Variants in CELF2 observed in about 807,000 individuals in gnomAD.
The protein encoded by CELF2 is CUGBP Elav-like family member 2.
In CELF2, 8 loss-of-function variants were observed where a neutral mutation model predicts 62.6. The ratio of observed to expected loss-of-function variants is 0.13; its 90% CI spans 0.07 to 0.23. The LOEUF is 0.23. Among genes scored for constraint, CELF2 ranks in the 10% least tolerant of loss-of-function variants. The pLI is 1.00. For missense variants in CELF2, 333 were observed against 671.0 expected (o/e 0.50, Z 5.56); for synonymous variants, 258 against 250.0 (o/e 1.03, Z -0.30).
the CELF2 span, among the ~76,000 whole-genome samples, chr10:10,474,369 A>C: frequency 6.6e-6 from 1 of 152,062 alleles, no homozygotes; most frequent in African/African-American, 2.4e-5. Flanking sequence ...TAACAATGTG[A>C]ATGGTAGAAA....
intron 1 of CELF2, among the ~76,000 whole-genome samples, chr10:10,857,314 C>T (rs940003462): frequency 9.9e-5 from 15 of 152,090 alleles, no homozygotes; most frequent in Non-Finnish European, 2.1e-4. Context: ...TCATTTCCAA[C>T]CAGATGCAGT....
chr10:10,758,010 T>G, the CELF2 span, among the ~76,000 whole-genome samples: 1 of 152,332 alleles, frequency 6.6e-6, no homozygotes, highest in East Asian at 1.9e-4. Flanking sequence ...GTATCACAAA[T>G]AAAATGTTGT....
Position 11,039,100 on chromosome 10 carries a change from G to C in CELF2, c.74+20937G>C, listed in dbSNP as rs758070098. Among the ~76,000 whole-genome samples, 1 of 152,136 alleles carries C rather than the reference G, an allele frequency of 6.6e-6. No individual in the cohort carries two copies. The highest frequency in any genetic ancestry group is 1.5e-5 in the Non-Finnish European group (1 of 68,022). ...GCATCCACACCACTCTCATGGCATC[G>C]ACCATGTAACGGCGATAACAGCCGA... is the stretch of plus-strand genomic sequence containing the variant. On this transcript the variant is annotated intron_variant, in intron 1 of 12. Coordinates refer to ENST00000633077, the MANE Select transcript of CELF2 (RefSeq NM_001326342.2). The surrounding 1 kb of genome is among the most constrained non-coding windows in gnomAD (Gnocchi z 4.1).
intron 2 of CELF2, among the ~76,000 whole-genome samples, chr10:10,942,602 A>C (rs1168008419): frequency 6.6e-6 from 1 of 152,332 alleles, no homozygotes; most frequent in East Asian, 1.9e-4. Flanking sequence ...ATCTAATGAC[A>C]TGCCATCCCT....
At chr10:11,121,531 A>G (rs2057737010) in intron 1 of CELF2, among the ~76,000 whole-genome samples, 1 of 152,074 alleles carries the variant, frequency 6.6e-6, no homozygotes. Context: ...GGTTGGTACC[A>G]TGTTGTGCTG....
upstream of CELF2, among the ~76,000 whole-genome samples, chr10:10,796,593 G>C (rs985037831): frequency 4.6e-5 from 7 of 152,158 alleles, no homozygotes; most frequent in South Asian, 1.4e-3. Context: ...AATCTCCCTG[G>C]TGCCGTGGGC....
chr10:10,687,629 A>G, the CELF2 span, among the ~76,000 whole-genome samples: 1 of 152,230 alleles, frequency 6.6e-6, no homozygotes, highest in African/African-American at 2.4e-5. Context: ...AATGTTCAAT[A>G]GAACTTCATA....
At chr10:10,739,065 C>T in the CELF2 span, among the ~76,000 whole-genome samples, 2 of 151,938 alleles carry the variant, frequency 1.3e-5, no homozygotes, top group African/African-American at 4.8e-5. Context: ...ATCGAGGCTA[C>T]AGGTGTATAT....
At chr10:10,539,148 T>A in the CELF2 span, among the ~76,000 whole-genome samples, 15 of 152,184 alleles carry the variant, frequency 9.9e-5, no homozygotes, top group African/African-American at 3.4e-4. Flanking sequence ...AGAGTACAGA[T>A]CTTAAGAGTT....
chr10:11,274,234 G>C (rs986858331), intron 7 of CELF2, among the ~76,000 whole-genome samples: 1 of 152,170 alleles, frequency 6.6e-6, no homozygotes, highest in Non-Finnish European at 1.5e-5. Context: ...AGATCCATAA[G>C]TTCAGCCCAA....
intron 1 of CELF2, among the ~76,000 whole-genome samples, chr10:11,028,892 T>G (rs759489450): frequency 6.6e-6 from 1 of 152,032 alleles, no homozygotes; most frequent in Admixed American, 6.5e-5. Context: ...TTTTGAACTT[T>G]TAATAGAGAT....
the CELF2 span, among the ~76,000 whole-genome samples, chr10:10,467,184 C>G: frequency 6.6e-6 from 1 of 151,936 alleles, no homozygotes; most frequent in Non-Finnish European, 1.5e-5. Flanking sequence ...GATTTTTCTC[C>G]TAAGTGCTTC....
intron 3 of CELF2, among the ~76,000 whole-genome samples, chr10:11,234,765 TC>T (rs2070469293): frequency 6.6e-6 from 1 of 150,476 alleles, no homozygotes; most frequent in Non-Finnish European, 1.5e-5. Flanking sequence ...GATCCCCTCA[TC>T]CCCATCGCAA....
chr10:11,122,898 A>T (rs2058032661), intron 1 of CELF2, among the ~76,000 whole-genome samples: 3 of 152,142 alleles, frequency 2.0e-5, no homozygotes, highest in Admixed American at 2.0e-4. Context: ...TCTACCATAG[A>T]GTGGGGCCAG....
At position 11,165,546 on chromosome 10, in the gene CELF2, T is replaced by C. The variant is rs2066831810; in HGVS notation, c.135T>C (p.Asp45=). 11 of 1,613,998 alleles carry C rather than the reference T, an allele frequency of 6.8e-6. No homozygotes were observed. Among genetic ancestry groups the C allele is most frequent in the Middle Eastern group, 3.3e-4 (2 of 6,084 alleles). ...ALDHSDQPDP[D]AIKMFVGQIP... The stretch of plus-strand genomic sequence containing the variant: ...ATCACTCAGACCAACCAGACCCAGA[T>C]GCCATTAAGATGTTTGTCGGACAGA... Residue 45 remains aspartate, a synonymous_variant, in exon 2 of 13, where the codon GAT becomes GAC. Transcript: ENST00000633077. The surrounding 1 kb of genome is among the most constrained non-coding windows in gnomAD (Gnocchi z 7.4).
intron 5 of CELF2, among the ~76,000 whole-genome samples, chr10:11,263,838 T>G (rs2081417449): frequency 6.6e-6 from 1 of 152,226 alleles, no homozygotes; most frequent in African/African-American, 2.4e-5. Context: ...ACCTCCTGTT[T>G]TAGAGAAATT....
At chr10:11,095,529 G>C (rs1051158465) in intron 1 of CELF2, among the ~76,000 whole-genome samples, 3 of 152,202 alleles carry the variant, frequency 2.0e-5, no homozygotes, top group African/African-American at 4.8e-5. Context: ...ACGACCTGCA[G>C]GGGGAGGGCA....
In CELF2 at chr10:11,244,012, C is replaced by T. The variant is rs887928336; in HGVS notation, c.355-5141C>T. Among the ~76,000 whole-genome samples the T allele has an allele frequency of 9.2e-5, 14 of 152,310 alleles. No homozygotes were observed. The highest frequency in any genetic ancestry group is 4.1e-4 in the South Asian group (2 of 4,832). On this transcript the variant is annotated intron_variant, in intron 3 of 12. Coordinates refer to ENST00000633077, the MANE Select transcript of CELF2 (RefSeq NM_001326342.2). The surrounding 1 kb of genome is among the most constrained non-coding windows in gnomAD (Gnocchi z 4.2). ...CCACCACATCACCTGGGCCCTCCCCCGTCTCCTGCTGTCTACTGGGACCTG... is the reference window on the plus strand; with the variant it reads ...CCACCACATCACCTGGGCCCTCCCCTGTCTCCTGCTGTCTACTGGGACCTG...
intron 8 of CELF2, among the ~76,000 whole-genome samples, chr10:11,283,984 G>A (rs1461055218): frequency 1.1e-4 from 16 of 144,534 alleles, no homozygotes; most frequent in African/African-American, 3.9e-4. Flanking sequence ...ACGGATGAGT[G>A]TGTGGTGAGT....
Sources: gnomAD v4.1 joint callset for allele counts (sites outside exome capture counted in the v4.1 genomes callset) on GRCh38, gnomAD v4.1.1 for gene constraint, Gnocchi (gnomAD v3.1) non-coding constraint, MANE v1.5 for transcripts, NCBI Gene and HGNC (gene_info 2026-07-23, HGNC 2026-07-21) for gene names.